CCSER1: variants seen among roughly 807,000 people sequenced by gnomAD.
CCSER1 encodes serine-rich coiled-coil domain-containing protein 1.
In CCSER1, 41 loss-of-function variants were observed where a neutral mutation model predicts 82.0. The ratio of observed to expected loss-of-function variants is 0.50; its 90% CI spans 0.39 to 0.65. CCSER1 has a LOEUF of 0.65. Among genes scored for constraint, CCSER1 ranks in the 30% least tolerant of loss-of-function variants. CCSER1 has a pLI of 0.00. For missense variants in CCSER1, 1,119 were observed against 1,064.2 expected, an observed-to-expected ratio of 1.05 and a Z score of -0.72; for synonymous variants, 414 against 383.9, an observed-to-expected ratio of 1.08 and a Z score of -0.92.
At chr4:90,338,934 G>A (rs757201208) in intron 3 of CCSER1, among the ~76,000 whole-genome samples, 4 of 152,132 alleles carry the variant, frequency 2.6e-5, no homozygotes, top group Non-Finnish European at 5.9e-5. Context: ...TACATTCTTG[G>A]TAGGGAGCTT....
chr4:90,170,404 CT>C (rs60642438), intron 1 of CCSER1, among the ~76,000 whole-genome samples: 2,867 of 141,740 alleles, frequency 0.02, 36 homozygotes, highest in African/African-American at 0.045. Flanking sequence ...AACAGCTAAC[CT>C]TTTTTTTTTT....
At chr4:91,477,504 T>A (rs1757660634) in intron 10 of CCSER1, among the ~76,000 whole-genome samples, 1 of 151,828 alleles carries the variant, frequency 6.6e-6, no homozygotes, top group Admixed American at 6.6e-5. Context: ...ACTTCTCTAT[T>A]TTCTGAGGAA....
chr4:91,499,787 G>A (rs1759108818), intron 10 of CCSER1, among the ~76,000 whole-genome samples: 1 of 151,790 alleles, frequency 6.6e-6, no homozygotes, highest in Non-Finnish European at 1.5e-5. Flanking sequence ...TTTCCTCCAT[G>A]TTTCTTCATG....
At chr4:90,570,841 ATACCACCAAACAAAAATATATTGTGTT>A (rs1198890595) in intron 5 of CCSER1, among the ~76,000 whole-genome samples, 1 of 152,118 alleles carries the variant, frequency 6.6e-6, no homozygotes, top group Non-Finnish European at 1.5e-5. Context: ...CACTTGAATT[ATACCACCAAACAAAAATATATTGTGTT>A]TACGCCCAAG....
intron 5 of CCSER1, among the ~76,000 whole-genome samples, chr4:90,617,781 T>C (rs536893927): frequency 1.0e-3 from 153 of 152,290 alleles, no homozygotes; most frequent in African/African-American, 3.5e-3. Flanking sequence ...GATGACATTC[T>C]GTCTTCATGT....
intron 1 of CCSER1, among the ~76,000 whole-genome samples, chr4:90,208,929 G>A (rs1339741056): frequency 6.6e-6 from 1 of 152,174 alleles, no homozygotes. Context: ...GGGAGCTGCA[G>A]ACCGGAGCCG....
In CCSER1 at chr4:91,011,853, T is replaced by C. The variant is rs1187920338; in HGVS notation, c.2173-74097T>C. ...TACAGGAACAGCCAAGGCATAGAATTGTGGAACACAATTGTGGCTTGGGCC... is the reference window on the plus strand; with the variant it reads ...TACAGGAACAGCCAAGGCATAGAATCGTGGAACACAATTGTGGCTTGGGCC... On this transcript the variant is annotated intron_variant, in intron 9 of 10. Coordinates refer to ENST00000509176, the MANE Select transcript of CCSER1 (RefSeq NM_001145065.2). Among the ~76,000 whole-genome samples the C allele has an allele frequency of 1.5e-5, 2 of 134,392 alleles. 1 individual carries two copies. The allele number at this position is 134,392 out of a possible 152,430, so 88.2% of individuals were successfully genotyped here. A position where few individuals can be genotyped will look rare whatever the true frequency, so the allele number is the denominator to read the frequency against.
At chr4:90,647,996 T>C (rs1205415811) in intron 6 of CCSER1, among the ~76,000 whole-genome samples, 1 of 152,114 alleles carries the variant, frequency 6.6e-6, no homozygotes. Flanking sequence ...TAAGATAATT[T>C]ATACGATATT....
intron 6 of CCSER1, among the ~76,000 whole-genome samples, chr4:90,693,073 G>T (rs1361729272): frequency 6.6e-6 from 1 of 151,932 alleles, no homozygotes; most frequent in Non-Finnish European, 1.5e-5. Context: ...TTGTGCGGAT[G>T]AGGTTAAGGG....
chr4:90,435,825 T>C (rs1047347400), intron 4 of CCSER1, among the ~76,000 whole-genome samples: 11 of 152,118 alleles, frequency 7.2e-5, no homozygotes, highest in African/African-American at 2.4e-4. Flanking sequence ...GAGACTAGTA[T>C]GTTTGAAGTA....
At chr4:91,020,348 A>T (rs568925675) in intron 9 of CCSER1, among the ~76,000 whole-genome samples, 2 of 152,308 alleles carry the variant, frequency 1.3e-5, no homozygotes, top group African/African-American at 4.8e-5. Flanking sequence ...GACTTTAATA[A>T]ACATTGTGCC....
chr4:91,383,005 T>A (rs192534355), intron 10 of CCSER1, among the ~76,000 whole-genome samples: 4 of 152,118 alleles, frequency 2.6e-5, no homozygotes, highest in Non-Finnish European at 5.9e-5. Context: ...TATCATTTTT[T>A]TTTTTTAGCA....
chr4:90,310,979 T>C (rs1735187483), intron 2 of CCSER1, among the ~76,000 whole-genome samples: 1 of 152,072 alleles, frequency 6.6e-6, no homozygotes, highest in South Asian at 2.1e-4. Context: ...CTAGCTCCTT[T>C]ACCTGTAATA....
At chr4:91,158,198 C>CTG (rs1321079440) in intron 10 of CCSER1, among the ~76,000 whole-genome samples, 2 of 151,976 alleles carry the variant, frequency 1.3e-5, no homozygotes, top group Non-Finnish European at 2.9e-5. Context: ...ACTTGAATAT[C>CTG]TCTCAGTTAG....
chr4:91,093,921 C>T (rs909242827), intron 10 of CCSER1, among the ~76,000 whole-genome samples: 1 of 152,314 alleles, frequency 6.6e-6, no homozygotes, highest in African/African-American at 2.4e-5. Flanking sequence ...CCTAGAAATT[C>T]CCTTACTTGC....
chr4:90,585,868 T>C (rs1313621103), intron 5 of CCSER1, among the ~76,000 whole-genome samples: 1 of 152,204 alleles, frequency 6.6e-6, no homozygotes, highest in East Asian at 1.9e-4. Context: ...TACGGTCTCT[T>C]ATGTGTCAGA....
intron 1 of CCSER1, among the ~76,000 whole-genome samples, chr4:90,190,135 G>T (rs1578402374): frequency 6.6e-6 from 1 of 151,996 alleles, no homozygotes; most frequent in African/African-American, 2.4e-5. Context: ...AGAAACTGAA[G>T]TACAGAAATG....
At chr4:91,147,789 G>T (rs1029571670) in intron 10 of CCSER1, among the ~76,000 whole-genome samples, 3 of 152,102 alleles carry the variant, frequency 2.0e-5, no homozygotes, top group South Asian at 2.1e-4. Flanking sequence ...ATATATTCAT[G>T]ATAAAAATGT....
intron 8 of CCSER1, among the ~76,000 whole-genome samples, chr4:90,890,891 A>G (rs1172680755): frequency 6.6e-6 from 1 of 152,190 alleles, no homozygotes; most frequent in African/African-American, 2.4e-5. Flanking sequence ...TAAGGCACAT[A>G]ACTTCAGAAA....
Sources: gnomAD v4.1 joint callset for allele counts (sites outside exome capture counted in the v4.1 genomes callset) on GRCh38, gnomAD v4.1.1 for gene constraint, MANE v1.5 for transcripts, NCBI Gene and HGNC (gene_info 2026-07-23, HGNC 2026-07-21) for gene names.